The following KAZN variants were observed in gnomAD, a reference collection of about 807,000 sequenced individuals.
The protein encoded by KAZN is kazrin, periplakin interacting protein, also known as kazrin.
Under a neutral mutation model 87.4 loss-of-function variants are expected in KAZN, and 40 were observed. The observed-to-expected ratio is 0.46, with a 90% CI of 0.36 to 0.60. The LOEUF is 0.60. Among genes scored for constraint, KAZN ranks in the 20% least tolerant of loss-of-function variants. KAZN has a pLI of 0.00. For missense variants in KAZN, 898 were observed against 1,073.9 expected (o/e 0.84, Z 2.29); for synonymous variants, 466 against 458.3 (o/e 1.02, Z -0.22).
chr1:14,052,286 CT>C (rs1557435306), intron 1 of KAZN, among the ~76,000 whole-genome samples: 2 of 152,210 alleles, frequency 1.3e-5, no homozygotes, highest in Non-Finnish European at 2.9e-5. Flanking sequence ...AGGCATTAAC[CT>C]TTTTGAGTCC....
At chr1:14,245,829 G>A (rs1571127672) in intron 2 of KAZN, among the ~76,000 whole-genome samples, 1 of 152,084 alleles carries the variant, frequency 6.6e-6, no homozygotes, top group Admixed American at 6.5e-5. Context: ...TCATTGCTGG[G>A]TATATACCCA....
At chr1:14,723,622 G>T (rs2100304200) in intron 1 of KAZN, among the ~76,000 whole-genome samples, 1 of 152,320 alleles carries the variant, frequency 6.6e-6, no homozygotes, top group South Asian at 2.1e-4. Flanking sequence ...CATCTGCCGG[G>T]CTCAGCATCC....
At chr1:13,971,072 C>T (rs1642118867) in intron 1 of KAZN, among the ~76,000 whole-genome samples, 1 of 152,176 alleles carries the variant, frequency 6.6e-6, no homozygotes, top group African/African-American at 2.4e-5. Context: ...GGTTCTTCTG[C>T]TCTGTGCTAG....
chr1:14,624,175 C>A (rs993200590), intron 1 of KAZN, among the ~76,000 whole-genome samples: 5 of 152,192 alleles, frequency 3.3e-5, no homozygotes, highest in Admixed American at 2.0e-4. Context: ...GAAATCCCAG[C>A]ACTTTGGGAG....
intron 2 of KAZN, among the ~76,000 whole-genome samples, chr1:14,324,297 A>G (rs1483098275): frequency 1.3e-5 from 2 of 152,152 alleles, no homozygotes; most frequent in African/African-American, 2.4e-5. Context: ...TGAGGTCCCA[A>G]TTTCAGTATT....
At chr1:14,438,224 C>T (rs1298416327) in intron 2 of KAZN, among the ~76,000 whole-genome samples, 1 of 152,132 alleles carries the variant, frequency 6.6e-6, no homozygotes, top group African/African-American at 2.4e-5. Context: ...TCAAATTACT[C>T]AACACAGATA....
intron 1 of KAZN, among the ~76,000 whole-genome samples, chr1:14,050,866 G>A (rs963375779): frequency 2.6e-5 from 4 of 152,198 alleles, no homozygotes; most frequent in African/African-American, 7.2e-5. Flanking sequence ...AACAAAGCAG[G>A]TGGCTGAGAG....
chr1:14,878,528 A>G (rs908629681), intron 1 of KAZN, among the ~76,000 whole-genome samples: 3 of 152,030 alleles, frequency 2.0e-5, no homozygotes, highest in Admixed American at 6.6e-5. Flanking sequence ...CAGTTTCCCC[A>G]TCTGTCAAAT....
chr1:14,034,452 A>C (rs1321187283), intron 1 of KAZN, among the ~76,000 whole-genome samples: 2 of 152,266 alleles, frequency 1.3e-5, no homozygotes, highest in African/African-American at 4.8e-5. Flanking sequence ...AATTGGATTA[A>C]TTATATGCAC....
chr1:14,625,528 A>C lies in KAZN; in HGVS notation c.226+26305A>C, dbSNP rs982825690. 2.0e-5 allele frequency among the ~76,000 whole-genome samples: 3 copies of C among 152,250 alleles called. No individual in the cohort carries two copies. In the East Asian group the frequency reaches 5.8e-4, roughly 29 times the overall value. On this transcript the variant is annotated intron_variant, in intron 1 of 14. Transcript: ENST00000376030. ...AAAAAGCCCCAAAGAGGCTTGACTT[A>C]TAATTAGCAGCTAAAAGATTTCCAG...
chr1:14,929,897 G>C, intron 1 of KAZN: 1 of 985,410 alleles, frequency 1.0e-6, no homozygotes, highest in Non-Finnish European at 1.2e-6. Context: ...GCTTTCTCTC[G>C]TCTGCTTTTT....
intron 1 of KAZN, among the ~76,000 whole-genome samples, chr1:14,778,405 A>C (rs1272416482): frequency 6.6e-6 from 1 of 151,976 alleles, no homozygotes; most frequent in Non-Finnish European, 1.5e-5. Flanking sequence ...AAAAAAAAAA[A>C]AAAAAAAACC....
Position 15,081,434 on chromosome 1 carries a change from C to T in KAZN, c.1223-12746C>T, listed in dbSNP as rs1473651384. Among the ~76,000 whole-genome samples the T allele has an allele frequency of 2.0e-5, 3 of 152,164 alleles. No homozygotes were observed. Among genetic ancestry groups the T allele is most frequent in the African/African-American group, 7.2e-5 (3 of 41,426 alleles). On this transcript the variant is annotated intron_variant, in intron 8 of 14. Coordinates refer to ENST00000376030, the MANE Select transcript of KAZN (RefSeq NM_201628.3). The surrounding 1 kb of genome is among the most constrained non-coding windows in gnomAD (Gnocchi z 4.1). ...GAGATGTCTAGGGAGCAAAACCAGG[C>T]CCAGCGCCTGCTCATGTGCAGTTTA...
intron 1 of KAZN, among the ~76,000 whole-genome samples, chr1:14,171,473 G>T (rs2100262202): frequency 6.7e-6 from 1 of 150,116 alleles, no homozygotes; most frequent in Middle Eastern, 3.4e-3. Flanking sequence ...CTTATAGGAT[G>T]AGTTTTATTA....
intron 2 of KAZN, among the ~76,000 whole-genome samples, chr1:14,527,262 G>A (rs1289076666): frequency 6.6e-6 from 1 of 152,126 alleles, no homozygotes; most frequent in Non-Finnish European, 1.5e-5. Flanking sequence ...GTAAAGAATA[G>A]AGGTTTAGCC....
intron 2 of KAZN, among the ~76,000 whole-genome samples, chr1:14,258,326 C>T (rs1178688852): frequency 1.3e-5 from 2 of 151,100 alleles, no homozygotes; most frequent in Non-Finnish European, 2.9e-5. Flanking sequence ...CACCATTCTC[C>T]TGCCTCAGCC....
At chr1:14,441,784 A>G (rs1028219899) in intron 2 of KAZN, among the ~76,000 whole-genome samples, 3 of 152,252 alleles carry the variant, frequency 2.0e-5, no homozygotes, top group African/African-American at 7.2e-5. Context: ...CACATTAAAT[A>G]TACTTTTTTT....
At chr1:14,867,507 T>C (rs1651603300) in intron 1 of KAZN, among the ~76,000 whole-genome samples, 1 of 152,164 alleles carries the variant, frequency 6.6e-6, no homozygotes, top group African/African-American at 2.4e-5. Context: ...GCTTTTTGAC[T>C]TCTCTGTGCC....
intron 2 of KAZN, among the ~76,000 whole-genome samples, chr1:14,526,344 G>A (rs1042046844): frequency 6.6e-6 from 1 of 152,144 alleles, no homozygotes; most frequent in Admixed American, 6.5e-5. Context: ...GCCATATTTG[G>A]GCCTCTTTGT....
Sources: allele counts gnomAD v4.1 joint callset (sites outside exome capture counted in the v4.1 genomes callset), GRCh38; gene constraint gnomAD v4.1.1; non-coding constraint Gnocchi (gnomAD v3.1); transcripts MANE v1.5; gene names NCBI Gene and HGNC (gene_info 2026-07-23, HGNC 2026-07-21).